The following CALCOCO1 variants were observed in gnomAD, a reference collection of about 807,000 sequenced individuals.
CALCOCO1 encodes calcium-binding and coiled-coil domain-containing protein 1.
A neutral mutation model predicts 86.3 loss-of-function variants in CALCOCO1; 44 were observed. The ratio of observed to expected loss-of-function variants is 0.51; its 90% CI spans 0.40 to 0.66. CALCOCO1 has a LOEUF of 0.66. Ranked by LOEUF, CALCOCO1 falls within the 30% of genes least tolerant of loss-of-function variation. CALCOCO1 has a pLI of 0.00. For synonymous variants in CALCOCO1, 297 were observed against 327.6 expected, an observed-to-expected ratio of 0.91 and a Z score of 1.01; for missense variants, 708 against 851.1, an observed-to-expected ratio of 0.83 and a Z score of 2.09.
In CALCOCO1 at chr12:53,716,324, G is replaced by C; in HGVS notation, c.941C>G (p.Ala314Gly). 6.8e-6 allele frequency: 11 copies of C among 1,614,198 alleles called. No individual in the cohort carries two copies. Among genetic ancestry groups the C allele is most frequent in the Non-Finnish European group, 9.3e-6 (11 of 1,180,044 alleles). Reference protein sequence around the residue: ...KSWQEEQSAQAQRLKDKVAQM... With the variant: ...KSWQEEQSAQGQRLKDKVAQM... ...GGCCACCTTGTCTTTCAGTCGCTGA[G>C]CCTGAGCACTCTGCTCCTCTTGCCA... Residue 314 changes from alanine to glycine, a missense_variant, in exon 8 of 15, where the codon GCT becomes GGT. Coordinates refer to ENST00000550804, the MANE Select transcript of CALCOCO1 (RefSeq NM_020898.3).
chr12:53,711,815 G>T lies in CALCOCO1; in HGVS notation c.*129C>A. The T allele has an allele frequency of 2.6e-6, 2 of 767,776 alleles. No homozygotes were observed. Among genetic ancestry groups the T allele is most frequent in the Non-Finnish European group, 1.9e-6 (1 of 522,704 alleles). 47.6% of individuals were successfully genotyped at this position (767,776 alleles called of 1,614,324 possible). On this transcript the variant is annotated 3_prime_UTR_variant, in exon 15 of 15. Coordinates refer to ENST00000550804, the MANE Select transcript of CALCOCO1 (RefSeq NM_020898.3). ...TGGGATGAAAACAGGGCACACAGAA[G>T]CAGTTCTTAGGGAACAGAATATCAT...
In CALCOCO1 at chr12:53,725,129, T is replaced by C. The variant is rs1480140043; in HGVS notation, c.114A>G (p.Pro38=). The C allele has an allele frequency of 6.2e-7, 1 of 1,612,256 alleles. No individual in the cohort carries two copies. Among genetic ancestry groups the C allele is most frequent in the Non-Finnish European group, 8.5e-7 (1 of 1,179,160 alleles). Residue 38 remains proline, a synonymous_variant, in exon 2 of 15, where the codon CCA becomes CCG. Coordinates refer to ENST00000550804, the MANE Select transcript of CALCOCO1 (RefSeq NM_020898.3). The part of the protein sequence containing the change: ...TKVECHYTLP[P]GTMPSASDWI... Reference sequence around the variant, plus strand: ...AGTCACTGGCACTGGGCATGGTGCCTGGGGGAAGGGTGTAGTGACATTCCA... The same window carrying C: ...AGTCACTGGCACTGGGCATGGTGCCCGGGGGAAGGGTGTAGTGACATTCCA...
intron 7 of CALCOCO1, among the ~76,000 whole-genome samples, chr12:53,717,425 G>A (rs1945755299): frequency 6.6e-6 from 1 of 152,202 alleles, no homozygotes; most frequent in Non-Finnish European, 1.5e-5. Flanking sequence ...CACGCTTGTG[G>A]AATAAAAATG....
At chr12:53,718,924 T>C (rs1338682455) in intron 7 of CALCOCO1, among the ~76,000 whole-genome samples, 2 of 144,714 alleles carry the variant, frequency 1.4e-5, no homozygotes, top group Admixed American at 7.2e-5. Context: ...CTAGGCTCAC[T>C]GCAATTTCTG....
intron 9 of CALCOCO1, 174 bp downstream of exon 9, chr12:53,715,619 G>A (rs1945703788): frequency 1.2e-6 from 1 of 862,600 alleles, no homozygotes; most frequent in Admixed American, 2.8e-5. Flanking sequence ...CCCGGTTAGG[G>A]ATGGGTCATG....
intron 2 of CALCOCO1, 152 bp downstream of exon 2, chr12:53,724,935 C>T (rs1945983020): frequency 5.4e-6 from 5 of 917,746 alleles, no homozygotes; most frequent in Non-Finnish European, 8.2e-6. Context: ...AAAATATGTG[C>T]TTTGGTTATA....
chr12:53,715,100 G>A, intron 10 of CALCOCO1, 100 bp downstream of exon 10: 4 of 1,398,234 alleles, frequency 2.9e-6, no homozygotes, highest in Non-Finnish European at 3.9e-6. Flanking sequence ...ACATGGTAGT[G>A]GACACCTAGC....
intron 5 of CALCOCO1, 136 bp downstream of exon 5, chr12:53,721,889 C>T: frequency 2.0e-6 from 2 of 1,003,458 alleles, no homozygotes; most frequent in Middle Eastern, 3.0e-4. Flanking sequence ...AGCCACTACC[C>T]CTTAAACCTA....
At position 53,725,247 on chromosome 12, in the gene CALCOCO1, G is replaced by T; in HGVS notation, c.-5C>A. ...GCTTAGTGGTGATTCTTCCATCCTG[G>T]CCTTGAGATATCTGTCCTCCTATGA... On this transcript the variant is annotated 5_prime_UTR_variant, in exon 2 of 15. Transcript: ENST00000550804. 1 of 1,581,616 alleles carries T rather than the reference G, an allele frequency of 6.3e-7. No individual in the cohort carries two copies. Among genetic ancestry groups the T allele is most frequent in the East Asian group, 2.3e-5 (1 of 43,726 alleles).
In CALCOCO1 at chr12:53,711,387, G is replaced by A. The variant is rs1329555693; in HGVS notation, c.*557C>T. 5 of 389,366 alleles carry A rather than the reference G, an allele frequency of 1.3e-5. No homozygotes were observed. The highest frequency in any genetic ancestry group is 1.4e-5 in the Non-Finnish European group (3 of 220,762). The allele number at this position is 389,366 out of a possible 1,614,324, so 24.1% of individuals were successfully genotyped here. The stretch of plus-strand genomic sequence containing the variant: ...TACCTAAGGTTATGGAAAAGGCTAG[G>A]GTGGGGCACAGAAGTCAATGGGGGA... On this transcript the variant is annotated 3_prime_UTR_variant, in exon 15 of 15. Coordinates refer to ENST00000550804, the MANE Select transcript of CALCOCO1 (RefSeq NM_020898.3).
In CALCOCO1 at chr12:53,716,238, G is replaced by A. The variant is rs111883517; in HGVS notation, c.1005+22C>T. On this transcript the variant is annotated intron_variant, in intron 8 of 14. Transcript: ENST00000550804. ...TTGCCCTTGGAATTTCCCGTTTCCTGTTGCCAAGGGGCCTCACTCACCACC... is the reference window on the plus strand; with the variant it reads ...TTGCCCTTGGAATTTCCCGTTTCCTATTGCCAAGGGGCCTCACTCACCACC... The A allele has an allele frequency of 6.8e-6, 11 of 1,611,848 alleles. No individual in the cohort carries two copies. The East Asian group carries it at 2.2e-4, about 33-fold the overall frequency.
rs746228097 is a variant in CALCOCO1 at position 53,725,181 on chromosome 12, G to T, written c.62C>A (p.Ala21Asp). The T allele has an allele frequency of 1.2e-6, 2 of 1,612,988 alleles. No individual in the cohort carries two copies. The highest frequency in any genetic ancestry group is 3.3e-5 in the Admixed American group (2 of 59,870). ...CTTGGTGTTGGGGATGTAGGTCCGG[G>T]CTACATTGAGAAAGTTGACTCCACC... ...SRGGVNFLNV[A>D]RTYIPNTKVE... The change falls in exon 2 of 15, where the codon GCC (alanine) becomes GAC (aspartate). Residue 21 changes from alanine (A) to aspartate (D), a missense_variant. Ala to Asp is a moderately radical substitution (Grantham distance 126). Transcript: ENST00000550804.
In CALCOCO1 at chr12:53,723,762, C is replaced by G. The variant is rs760239062; in HGVS notation, c.281G>C (p.Gly94Ala). The G allele has an allele frequency of 8.1e-6, 13 of 1,613,572 alleles. No individual in the cohort carries two copies. In the Admixed American group the frequency reaches 2.0e-4, roughly 25 times the overall value. The change falls in exon 4 of 15, where the codon GGA (glycine) becomes GCA (alanine). Residue 94 changes from glycine to alanine, a missense_variant. By Grantham distance (60) the Gly-to-Ala change is moderately conservative (BLOSUM62 0). Coordinates refer to ENST00000550804, the MANE Select transcript of CALCOCO1 (RefSeq NM_020898.3). Reference protein sequence around the residue: ...QFQASYLPKPGAQLYQFRYVN... With the variant: ...QFQASYLPKPAAQLYQFRYVN... ...ATATCGGAACTGGTAGAGCTGAGCT[C>G]CTGGTTTGGGCAGGTAGCTGGCTGT... is the stretch of plus-strand genomic sequence containing the variant.
intron 8 of CALCOCO1, 93 bp from the exon 9 acceptor site, chr12:53,716,140 A>G: frequency 6.3e-7 from 1 of 1,584,156 alleles, no homozygotes; most frequent in Non-Finnish European, 8.6e-7. Flanking sequence ...CTGCATTAGG[A>G]CTCGGGGTTG....
rs527478435 is a variant in CALCOCO1, at chr12:53,712,708, C to T, written c.1898+392G>A. ...CAGATGGATGCTGGATCCCAGTCTT[C>T]TCTCTGCTCCTATCCCTGGGGGCCA... On this transcript the variant is annotated intron_variant, in intron 14 of 14. Transcript: ENST00000550804. 30 of 880,542 alleles carry T rather than the reference C, an allele frequency of 3.4e-5. No individual in the cohort carries two copies. The African/African-American group carries it at 4.9e-4, about 14-fold the overall frequency. The allele number at this position is 880,542 out of a possible 1,614,324, so 54.5% of individuals were successfully genotyped here.
intron 6 of CALCOCO1, among the ~76,000 whole-genome samples, chr12:53,721,122 T>C (rs1052842091): frequency 6.6e-6 from 1 of 152,242 alleles, no homozygotes; most frequent in African/African-American, 2.4e-5. Context: ...AGTCTAATCT[T>C]ATCTTTCCTG....
intron 7 of CALCOCO1, among the ~76,000 whole-genome samples, chr12:53,719,522 T>C (rs1331358741): frequency 3.3e-5 from 5 of 152,042 alleles, no homozygotes; most frequent in Non-Finnish European, 7.4e-5. Context: ...TAAGACTCTG[T>C]CTCCAAAAAA....
rs1262426918 is a variant in CALCOCO1 at position 53,713,763 on chromosome 12, T to C, written c.1729A>G (p.Ser577Gly). ...TGAGGAGAAATGGGAGCCGGCTGGC[T>C]GATGACAACAAGGGGAGAAGCCTCT... Reference protein sequence around the residue: ...PREASPLVVISQPAPISPHLS... With the variant: ...PREASPLVVIGQPAPISPHLS... The change falls in exon 13 of 15, where the codon AGC (serine) becomes GGC (glycine). Residue 577 changes from serine to glycine, a missense_variant. By Grantham distance (56) the Ser-to-Gly change is moderately conservative. Coordinates refer to ENST00000550804, the MANE Select transcript of CALCOCO1 (RefSeq NM_020898.3). The C allele has an allele frequency of 1.2e-6, 2 of 1,606,746 alleles. No individual in the cohort carries two copies. Among genetic ancestry groups the C allele is most frequent in the East Asian group, 4.5e-5 (2 of 44,720 alleles).
At position 53,712,066 on chromosome 12, in the gene CALCOCO1, T is replaced by A. The variant is rs1945573487; in HGVS notation, c.1954A>T (p.Thr652Ser). The A allele has an allele frequency of 1.3e-5, 21 of 1,612,036 alleles. No individual in the cohort carries two copies. Among genetic ancestry groups the A allele is most frequent in the Non-Finnish European group, 1.5e-5 (18 of 1,179,106 alleles). ...TTACAGATAGGACACTCCTTCCATG[T>A]GGGGGTGGCAGGGCCCCCAGTGCTG... ...ETSTGGPATP[T>S]WKECPICKER... Residue 652 changes from threonine (T) to serine (S), a missense_variant, in exon 15 of 15, where the codon ACA becomes TCA. Thr to Ser is a moderately conservative substitution (Grantham distance 58). Transcript: ENST00000550804.
Sources: gnomAD v4.1 joint callset for allele counts (sites outside exome capture counted in the v4.1 genomes callset) on GRCh38, gnomAD v4.1.1 for gene constraint, MANE v1.5 for transcripts, NCBI Gene and HGNC (gene_info 2026-07-23, HGNC 2026-07-21) for gene names.